ZFYVE28: variants seen among roughly 807,000 people sequenced by gnomAD.
The protein encoded by ZFYVE28 is lateral signaling target protein 2 homolog.
ZFYVE28 carries 40 observed loss-of-function variants against 82.1 expected under a neutral mutation model. The ratio of observed to expected loss-of-function variants is 0.49; its 90% CI spans 0.38 to 0.63. ZFYVE28 has a LOEUF of 0.63. ZFYVE28 is among the 30% of genes least tolerant of loss of function. The pLI is 0.00. For synonymous variants in ZFYVE28, 612 were observed against 546.1 expected (o/e 1.12, Z -1.68); for missense variants, 1,321 against 1,242.1 (o/e 1.06, Z -0.96).
intron 1 of ZFYVE28, among the ~76,000 whole-genome samples, chr4:2,401,107 G>C (rs1170593249): frequency 6.6e-6 from 1 of 152,202 alleles, no homozygotes; most frequent in Non-Finnish European, 1.5e-5. Context: ...TAGGGAGGAA[G>C]GCTGGGCAGG....
At chr4:2,391,455 C>CTT (rs140103966) in intron 1 of ZFYVE28, among the ~76,000 whole-genome samples, 40,589 of 117,076 alleles carry the variant, frequency 0.35, 7,705 homozygotes, top group East Asian at 0.44. Flanking sequence ...GGTCAATTAT[C>CTT]TTTTTTTTTT....
chr4:2,399,676 T>C (rs911457537), intron 1 of ZFYVE28, among the ~76,000 whole-genome samples: 1 of 152,204 alleles, frequency 6.6e-6, no homozygotes, highest in African/African-American at 2.4e-5. Context: ...CCAGGTGGCC[T>C]ACAGAGAAGC....
chr4:2,384,823 C>G lies in ZFYVE28; in HGVS notation c.40-30750G>C, dbSNP rs578093523. Among the ~76,000 whole-genome samples, 3 of 152,312 alleles carry G rather than the reference C, an allele frequency of 2.0e-5. No homozygotes were observed. In the East Asian group the frequency reaches 5.8e-4, roughly 29 times the overall value. On this transcript the variant is annotated intron_variant, in intron 1 of 12. Coordinates refer to ENST00000290974, the MANE Select transcript of ZFYVE28 (RefSeq NM_020972.3). ...CCTCACTCACCTGGAGTGTGAGACA[C>G]CTGCCCAAGCTTCAGCCCACTCTGC...
chr4:2,397,402 C>T, intron 1 of ZFYVE28, among the ~76,000 whole-genome samples: 1 of 149,072 alleles, frequency 6.7e-6, no homozygotes, highest in Non-Finnish European at 1.5e-5. Context: ...CGCTTGAACC[C>T]AGGAGGTGGA....
intron 8 of ZFYVE28, among the ~76,000 whole-genome samples, chr4:2,291,022 G>A (rs1027688311): frequency 3.3e-5 from 5 of 152,240 alleles, no homozygotes; most frequent in African/African-American, 9.6e-5. Context: ...GCAGATTAGC[G>A]AAGAGTGCCT....
chr4:2,325,965 C>T (rs1266982549), intron 6 of ZFYVE28, among the ~76,000 whole-genome samples: 1 of 152,078 alleles, frequency 6.6e-6, no homozygotes, highest in Non-Finnish European at 1.5e-5. Flanking sequence ...TGGATATTAA[C>T]CCATCAGATG....
chr4:2,294,726 T>C (rs1714269762), intron 8 of ZFYVE28, among the ~76,000 whole-genome samples: 1 of 152,146 alleles, frequency 6.6e-6, no homozygotes, highest in Non-Finnish European at 1.5e-5. Context: ...TAAAGAACTA[T>C]CAGTACTCAA....
At chr4:2,281,214 C>T (rs1210360521) in intron 8 of ZFYVE28, among the ~76,000 whole-genome samples, 1 of 152,086 alleles carries the variant, frequency 6.6e-6, no homozygotes, top group African/African-American at 2.4e-5. Context: ...CCCAAGGGAA[C>T]CGGCTGGGCT....
At chr4:2,415,028 A>C (rs1461744283) in intron 1 of ZFYVE28, among the ~76,000 whole-genome samples, 2 of 152,232 alleles carry the variant, frequency 1.3e-5, no homozygotes, top group Non-Finnish European at 2.9e-5. Context: ...TAATACTTAC[A>C]AGATCTGAAC....
At chr4:2,334,782 CCT>C (rs1223552372) in intron 6 of ZFYVE28, among the ~76,000 whole-genome samples, 9 of 27,030 alleles carry the variant, frequency 3.3e-4, no homozygotes, top group Non-Finnish European at 4.1e-4. Context: ...TTCCGCCTCC[CCT>C]CTTCCCCCTC....
chr4:2,397,259 G>T (rs1366780473), intron 1 of ZFYVE28, among the ~76,000 whole-genome samples: 1 of 151,878 alleles, frequency 6.6e-6, no homozygotes, highest in African/African-American at 2.4e-5. Flanking sequence ...ATCACCTGAG[G>T]TCAGGTCAGG....
At chr4:2,396,141 T>G (rs1264113106) in intron 1 of ZFYVE28, among the ~76,000 whole-genome samples, 36 of 27,666 alleles carry the variant, frequency 1.3e-3, no homozygotes, top group South Asian at 3.6e-3. Flanking sequence ...GTGTCTGAGC[T>G]GATGGGACCA....
chr4:2,306,549 CT>C (rs58267530), intron 7 of ZFYVE28, among the ~76,000 whole-genome samples: 1,630 of 152,310 alleles, frequency 0.011, 33 homozygotes, highest in African/African-American at 0.037. Flanking sequence ...GATTTGTTTG[CT>C]GATGTTATAT....
At chr4:2,279,553 G>A (rs1056803418) in intron 8 of ZFYVE28, among the ~76,000 whole-genome samples, 23 of 152,212 alleles carry the variant, frequency 1.5e-4, no homozygotes, top group Non-Finnish European at 2.8e-4. Context: ...GCCAAGGTGG[G>A]CGGATCACGA....
intron 1 of ZFYVE28, among the ~76,000 whole-genome samples, chr4:2,405,857 G>A (rs966754607): frequency 6.6e-6 from 1 of 152,124 alleles, no homozygotes; most frequent in African/African-American, 2.4e-5. Flanking sequence ...AGACCACCCT[G>A]GCCAACATGG....
rs1454938929 is a variant in ZFYVE28 at position 2,269,698 on chromosome 4, C to T, written c.*1027G>A. 6.6e-6 allele frequency: 1 copy of T among 152,110 alleles called. No individual in the cohort carries two copies. Among genetic ancestry groups the T allele is most frequent in the African/African-American group, 2.4e-5 (1 of 41,418 alleles). 9.4% of individuals were successfully genotyped at this position (152,110 alleles called of 1,614,324 possible). A position where few individuals can be genotyped will look rare whatever the true frequency, so the allele number is the denominator to read the frequency against. On this transcript the variant is annotated 3_prime_UTR_variant, in exon 13 of 13. Coordinates refer to ENST00000290974, the MANE Select transcript of ZFYVE28 (RefSeq NM_020972.3). ...TATTTCCTCCATTATATACTCTCCC[C>T]CCGACAGAAGCCGTTTCTATGCATA... is the stretch of plus-strand genomic sequence containing the variant.
intron 8 of ZFYVE28, among the ~76,000 whole-genome samples, chr4:2,293,778 A>T (rs1224939869): frequency 1.4e-5 from 2 of 141,986 alleles, no homozygotes; most frequent in African/African-American, 2.5e-5. Flanking sequence ...AAAATCTTCT[A>T]GAAGATCTAC....
chr4:2,401,980 G>A (rs975574855), intron 1 of ZFYVE28, among the ~76,000 whole-genome samples: 4 of 152,222 alleles, frequency 2.6e-5, no homozygotes, highest in Non-Finnish European at 4.4e-5. Flanking sequence ...GATTTGGGTC[G>A]GGCAGCTCAC....
At chr4:2,392,133 G>T (rs558153103) in intron 1 of ZFYVE28, among the ~76,000 whole-genome samples, 1 of 150,242 alleles carries the variant, frequency 6.7e-6, no homozygotes, top group African/African-American at 2.5e-5. Flanking sequence ...CATCCTGGGC[G>T]ACAGAGCAAG....
Sources: allele counts gnomAD v4.1 joint callset (sites outside exome capture counted in the v4.1 genomes callset), GRCh38; gene constraint gnomAD v4.1.1; transcripts MANE v1.5; gene names NCBI Gene and HGNC (gene_info 2026-07-23, HGNC 2026-07-21).